CNTN3: variants seen among roughly 807,000 people sequenced by gnomAD.
CNTN3 encodes contactin 3.
CNTN3 carries 60 observed loss-of-function variants against 119.1 expected under a neutral mutation model. The observed-to-expected ratio is 0.50, with a 90% CI of 0.41 to 0.62. CNTN3 has a LOEUF of 0.62. Among genes scored for constraint, CNTN3 ranks in the 20% least tolerant of loss-of-function variants. CNTN3 has a pLI of 0.00. For synonymous variants in CNTN3, 450 were observed against 438.7 expected, an observed-to-expected ratio of 1.03 and a Z score of -0.32; for missense variants, 1,101 against 1,242.4, an observed-to-expected ratio of 0.89 and a Z score of 1.71.
intron 1 of CNTN3, among the ~76,000 whole-genome samples, chr3:74,543,524 A>G (rs1703870655): frequency 6.6e-6 from 1 of 152,222 alleles, no homozygotes; most frequent in Non-Finnish European, 1.5e-5. Context: ...TAATGAATAT[A>G]AATAAGCTAA....
intron 3 of CNTN3, among the ~76,000 whole-genome samples, chr3:74,497,042 C>CT (rs1703078793): frequency 6.6e-6 from 1 of 151,966 alleles, no homozygotes; most frequent in South Asian, 2.1e-4. Context: ...TTTGGATTGC[C>CT]TTTAACAAGT....
At chr3:74,320,770 C>G (rs1002569894) in intron 13 of CNTN3, among the ~76,000 whole-genome samples, 2 of 152,136 alleles carry the variant, frequency 1.3e-5, no homozygotes, top group Non-Finnish European at 2.9e-5. Flanking sequence ...CCACTCCCTC[C>G]AGTGCACAAC....
At chr3:74,505,081 GTC>G (rs1190159247) in intron 2 of CNTN3, among the ~76,000 whole-genome samples, 1 of 151,930 alleles carries the variant, frequency 6.6e-6, no homozygotes, top group Non-Finnish European at 1.5e-5. Flanking sequence ...CTTTATGTGT[GTC>G]TCTGTGTCCA....
chr3:74,566,333 A>C (rs1252484250), intron 1 of CNTN3, among the ~76,000 whole-genome samples: 1 of 152,012 alleles, frequency 6.6e-6, no homozygotes, highest in East Asian at 1.9e-4. Flanking sequence ...AGCAAAGGGA[A>C]GGTGTATTCA....
intron 4 of CNTN3, among the ~76,000 whole-genome samples, chr3:74,437,333 A>G (rs1053055820): frequency 4.0e-5 from 6 of 151,814 alleles, no homozygotes; most frequent in Admixed American, 6.6e-5. Flanking sequence ...GTGGTGGCGG[A>G]CACCTGTAGT....
rs186096263 is a variant in CNTN3 at position 74,521,042 on chromosome 3, T to C, written c.55+16A>G. ...ACTTCTAACCTCAACTTAGAAAATA[T>C]AGGATTTTTTTTTACCTCCTAAGCA... On this transcript the variant is annotated intron_variant, in intron 2 of 22. Coordinates refer to ENST00000263665, the MANE Select transcript of CNTN3 (RefSeq NM_020872.3). 1,140 of 1,551,014 alleles carry C rather than the reference T, an allele frequency of 7.4e-4. 6 individuals carry two copies. The African/African-American group carries it at 0.013, about 18-fold the overall frequency.
intron 13 of CNTN3, among the ~76,000 whole-genome samples, chr3:74,309,496 C>T (rs1239292141): frequency 6.6e-6 from 1 of 152,162 alleles, no homozygotes; most frequent in Non-Finnish European, 1.5e-5. Flanking sequence ...ATCCAGTTTG[C>T]TAAACCCATT....
intron 11 of CNTN3, among the ~76,000 whole-genome samples, chr3:74,354,040 A>G (rs1205346245): frequency 1.3e-5 from 2 of 152,082 alleles, no homozygotes; most frequent in Admixed American, 1.3e-4. Flanking sequence ...ATCCAATAAT[A>G]CAGCATATAA....
At chr3:74,610,054 G>A (rs376753557) in intron 1 of CNTN3, among the ~76,000 whole-genome samples, 2 of 152,084 alleles carry the variant, frequency 1.3e-5, no homozygotes, top group South Asian at 2.1e-4. Context: ...CAGACTCAGC[G>A]GCTCACACCT....
chr3:74,318,041 C>T lies in CNTN3; in HGVS notation c.1669-15234G>A, dbSNP rs1204522837. Among the ~76,000 whole-genome samples, 7 of 152,216 alleles carry T rather than the reference C, an allele frequency of 4.6e-5. No individual in the cohort carries two copies. The East Asian group carries it at 1.4e-3, about 30-fold the overall frequency. ...TCTTGGAGGCTTTGTTCGTTTCTTT[C>T]TATTCTTTTTTCTCTAAACTTCCCT... On this transcript the variant is annotated intron_variant, in intron 13 of 22. Transcript: ENST00000263665.
chr3:74,276,143 A>C (rs1289283708), intron 20 of CNTN3, among the ~76,000 whole-genome samples: 2 of 152,168 alleles, frequency 1.3e-5, no homozygotes, highest in Non-Finnish European at 2.9e-5. Context: ...CAAATTTATA[A>C]AACAATTATT....
At chr3:74,547,859 A>C (rs1703936232) in intron 1 of CNTN3, among the ~76,000 whole-genome samples, 1 of 152,164 alleles carries the variant, frequency 6.6e-6, no homozygotes, top group Non-Finnish European at 1.5e-5. Context: ...ATCTTGATTA[A>C]GAATGTTTCT....
At chr3:74,460,759 T>C (rs1437936027) in intron 4 of CNTN3, among the ~76,000 whole-genome samples, 2 of 140,456 alleles carry the variant, frequency 1.4e-5, no homozygotes, top group East Asian at 4.6e-4. Flanking sequence ...GAGATAGTTT[T>C]ATTTCTTATT....
intron 1 of CNTN3, among the ~76,000 whole-genome samples, chr3:74,524,659 C>G (rs1356102504): frequency 6.6e-6 from 1 of 151,768 alleles, no homozygotes; most frequent in African/African-American, 2.4e-5. Context: ...TGTCTGGACA[C>G]CACTCCCCCA....
chr3:74,551,754 C>CTTTTTTTTTTTTTTTTTTTT (rs776621925), intron 1 of CNTN3, among the ~76,000 whole-genome samples: 1 of 60,202 alleles, frequency 1.7e-5, no homozygotes. Flanking sequence ...TCTTCTTCTT[C>CTTTTTTTTTTTTTTTTTTTT]TTTTTTTTTT....
intron 4 of CNTN3, among the ~76,000 whole-genome samples, chr3:74,473,341 G>A (rs905181703): frequency 6.6e-6 from 1 of 152,142 alleles, no homozygotes. Flanking sequence ...CCAGGTCAGA[G>A]ATCATTAACC....
At chr3:74,476,033 T>A (rs1388968041) in intron 4 of CNTN3, among the ~76,000 whole-genome samples, 1 of 152,168 alleles carries the variant, frequency 6.6e-6, no homozygotes, top group East Asian at 1.9e-4. Context: ...AGTCTAGTGT[T>A]TCCATGTGAA....
chr3:74,479,717 A>G (rs1702728144), intron 4 of CNTN3, among the ~76,000 whole-genome samples: 1 of 152,058 alleles, frequency 6.6e-6, no homozygotes, highest in Non-Finnish European at 1.5e-5. Context: ...GTAGGGGATC[A>G]TTAGAGTGAG....
chr3:74,434,437 A>T (rs951990623), intron 4 of CNTN3, among the ~76,000 whole-genome samples: 18 of 151,084 alleles, frequency 1.2e-4, no homozygotes, highest in Non-Finnish European at 2.6e-4. Flanking sequence ...CCATCTTAAA[A>T]ATAAAACACA....
Sources: gnomAD v4.1 joint callset for allele counts (sites outside exome capture counted in the v4.1 genomes callset) on GRCh38, gnomAD v4.1.1 for gene constraint, MANE v1.5 for transcripts, NCBI Gene and HGNC (gene_info 2026-07-23, HGNC 2026-07-21) for gene names.